LRRK2: variants seen among roughly 807,000 people sequenced by gnomAD.
The protein encoded by LRRK2 is leucine-rich repeat serine/threonine-protein kinase 2.
In LRRK2, 203 loss-of-function variants were observed where a neutral mutation model predicts 302.6. The observed-to-expected ratio is 0.67, with a 90% CI of 0.60 to 0.75. The LOEUF (loss-of-function observed/expected upper bound fraction) is 0.75, where lower values mean the gene tolerates loss of function less well. LRRK2 is among the 30% of genes least tolerant of loss of function. The pLI, the probability that LRRK2 is intolerant of heterozygous loss-of-function variation, is 0.00. For synonymous variants in LRRK2, 1,066 were observed against 1,031.9 expected (o/e 1.03, Z -0.63); for missense variants, 2,830 against 2,951.0 (o/e 0.96, Z 0.95).
intron 39 of LRRK2, among the ~76,000 whole-genome samples, chr12:40,330,775 A>T (rs776643778): frequency 1.3e-5 from 2 of 152,154 alleles, no homozygotes; most frequent in African/African-American, 4.8e-5. Flanking sequence ...ATGTTAGATG[A>T]CAAGCCTTTT....
intron 40 of LRRK2, among the ~76,000 whole-genome samples, chr12:40,338,101 AAGCTTAC>A (rs1341525487): frequency 1.3e-5 from 2 of 152,168 alleles, no homozygotes; most frequent in Non-Finnish European, 2.9e-5. Flanking sequence ...TTGAGGTTGA[AAGCTTAC>A]AGTCTAGTAG....
chr12:40,292,837 T>G (rs1231310564), intron 20 of LRRK2, among the ~76,000 whole-genome samples: 1 of 152,008 alleles, frequency 6.6e-6, no homozygotes, highest in African/African-American at 2.4e-5. Flanking sequence ...ATCTTTGTTT[T>G]CTTGTAAATT....
At chr12:40,241,821 T>C (rs985486196) in intron 6 of LRRK2, among the ~76,000 whole-genome samples, 1 of 152,208 alleles carries the variant, frequency 6.6e-6, no homozygotes, top group Non-Finnish European at 1.5e-5. Flanking sequence ...AGAATGCTTT[T>C]TTTTGGTGAT....
At chr12:40,287,028 A>G (rs905179080) in intron 19 of LRRK2, among the ~76,000 whole-genome samples, 34 of 152,028 alleles carry the variant, frequency 2.2e-4, no homozygotes, top group African/African-American at 7.5e-4. Context: ...GGGAGCTCAT[A>G]TAACTCACAA....
chr12:40,267,210 A>G lies in LRRK2; in HGVS notation c.1656+3309A>G, dbSNP rs577821776. On this transcript the variant is annotated intron_variant, in intron 14 of 50. Transcript: ENST00000298910. ...CTTTGCTTAAATGAGCTGGACTACA[A>G]TGCAAATGCTGAAACTTACTATATT... 3.9e-5 allele frequency among the ~76,000 whole-genome samples: 6 copies of G among 152,330 alleles called. No homozygotes were observed. In the Middle Eastern group the frequency reaches 0.01, roughly 259 times the overall value.
At chr12:40,235,316 G>GA (rs1199781912) in intron 3 of LRRK2, among the ~76,000 whole-genome samples, 3 of 152,202 alleles carry the variant, frequency 2.0e-5, no homozygotes, top group African/African-American at 4.8e-5. Context: ...AAAAAAGAAT[G>GA]AAAAAATTAG....
intron 26 of LRRK2, among the ~76,000 whole-genome samples, chr12:40,303,315 T>C (rs935183998): frequency 2.0e-5 from 3 of 152,146 alleles, no homozygotes; most frequent in African/African-American, 7.2e-5. Context: ...TTTTGGTTAA[T>C]TCATGAAACC....
At chr12:40,298,927 A>ACTAT (rs1565727388) in intron 24 of LRRK2, among the ~76,000 whole-genome samples, 182 bp from the exon 25 acceptor site, 5 of 129,248 alleles carry the variant, frequency 3.9e-5, no homozygotes, top group African/African-American at 1.4e-4. Flanking sequence ...TTATATATAT[A>ACTAT]ATAAAAGACC....
intron 2 of LRRK2, among the ~76,000 whole-genome samples, chr12:40,231,884 C>T (rs1338278854): frequency 6.6e-6 from 1 of 150,802 alleles, no homozygotes; most frequent in African/African-American, 2.4e-5. Flanking sequence ...GCTCACTGCA[C>T]CCTCTGCCTC....
intron 34 of LRRK2, 37 bp from the exon 35 acceptor site, chr12:40,320,997 G>A (rs752461278): frequency 6.2e-7 from 1 of 1,610,526 alleles, no homozygotes; most frequent in Admixed American, 1.7e-5. Flanking sequence ...TGGGTGTTTT[G>A]TGAGGCTGTA....
At chr12:40,333,066 C>T (rs777056165) in intron 39 of LRRK2, among the ~76,000 whole-genome samples, 62 of 151,922 alleles carry the variant, frequency 4.1e-4, no homozygotes, top group Non-Finnish European at 6.0e-4. Flanking sequence ...TGTACTATTA[C>T]GCTGTTTTTT....
chr12:40,253,722 G>A (rs1466735866), intron 11 of LRRK2, among the ~76,000 whole-genome samples: 2 of 152,264 alleles, frequency 1.3e-5, no homozygotes, highest in East Asian at 1.9e-4. Context: ...GTGCTTGCCT[G>A]TATTCTGTTT....
intron 14 of LRRK2, among the ~76,000 whole-genome samples, chr12:40,264,919 A>G (rs999206918): frequency 2.0e-5 from 3 of 152,228 alleles, no homozygotes; most frequent in Non-Finnish European, 4.4e-5. Context: ...AAAGATGTTA[A>G]GAATAAAGAC....
Position 40,363,519 on chromosome 12 carries a change from A to G in LRRK2, c.7146A>G (p.Lys2382=). 1 of 1,611,752 alleles carries G rather than the reference A, an allele frequency of 6.2e-7. No homozygotes were observed. The highest frequency in any genetic ancestry group is 8.5e-7 in the Non-Finnish European group (1 of 1,178,590). The change falls in exon 48 of 51, where the codon AAA becomes AAG. Residue 2382 remains lysine, a synonymous_variant. Transcript: ENST00000298910. ...VVEVWDKKTE[K]LCGLIDCVHF... The stretch of plus-strand genomic sequence containing the variant: ...AAGTGTGGGATAAGAAAACTGAAAA[A>G]CTCTGTGGACTAATAGACTGCGTGC...
chr12:40,359,994 T>C (rs117891010), intron 47 of LRRK2, among the ~76,000 whole-genome samples: 2,668 of 152,288 alleles, frequency 0.018, 50 homozygotes, highest in South Asian at 0.1. Flanking sequence ...TTGCTTTTTT[T>C]CAGTGGTATT....
At chr12:40,276,906 C>T (rs903423438) in intron 16 of LRRK2, among the ~76,000 whole-genome samples, 1 of 152,080 alleles carries the variant, frequency 6.6e-6, no homozygotes, top group African/African-American at 2.4e-5. Context: ...AATCTCGGTT[C>T]ACTGCAACCT....
chr12:40,328,817 G>A (rs1945627098), intron 39 of LRRK2, among the ~76,000 whole-genome samples: 1 of 152,120 alleles, frequency 6.6e-6, no homozygotes, highest in African/African-American at 2.4e-5. Flanking sequence ...GTAGAAACTT[G>A]GGACTTTTCA....
At chr12:40,255,467 C>G (rs147591706) in intron 11 of LRRK2, among the ~76,000 whole-genome samples, 1 of 152,174 alleles carries the variant, frequency 6.6e-6, no homozygotes. Flanking sequence ...TAAAGTCTAA[C>G]GTGACTTTAT....
chr12:40,285,805 C>T (rs906038897), intron 19 of LRRK2, among the ~76,000 whole-genome samples: 4 of 151,418 alleles, frequency 2.6e-5, no homozygotes, highest in South Asian at 2.1e-4. Context: ...TACATTACTC[C>T]GTGGCAAAAA....
Sources: gnomAD v4.1 joint callset for allele counts (sites outside exome capture counted in the v4.1 genomes callset) on GRCh38, gnomAD v4.1.1 for gene constraint, MANE v1.5 for transcripts, NCBI Gene and HGNC (gene_info 2026-07-23, HGNC 2026-07-21) for gene names.